The following TIAM1 variants were observed in gnomAD, a reference collection of about 807,000 sequenced individuals.
TIAM1 encodes the protein TIAM Rac1 associated GEF 1.
In TIAM1, 65 loss-of-function variants were observed where a neutral mutation model predicts 163.5. The observed-to-expected ratio is 0.40, with a 90% CI of 0.33 to 0.49. The LOEUF (loss-of-function observed/expected upper bound fraction) is 0.49, where lower values mean the gene tolerates loss of function less well. Among genes scored for constraint, TIAM1 ranks in the 20% least tolerant of loss-of-function variants. The pLI, the probability that TIAM1 is intolerant of heterozygous loss-of-function variation, is 0.77. For synonymous variants in TIAM1, 833 were observed against 810.1 expected (o/e 1.03, Z -0.48); for missense variants, 1,789 against 2,044.7 (o/e 0.87, Z 2.41).
At chr21:31,207,684 C>T (rs978489178) in intron 11 of TIAM1, among the ~76,000 whole-genome samples, 2 of 152,172 alleles carry the variant, frequency 1.3e-5, no homozygotes, top group Non-Finnish European at 2.9e-5. Context: ...TACATGGGTG[C>T]TTTTCCAAAG....
At chr21:31,282,100 T>A (rs1201400766) in intron 2 of TIAM1, among the ~76,000 whole-genome samples, 5 of 152,214 alleles carry the variant, frequency 3.3e-5, no homozygotes, top group Non-Finnish European at 7.3e-5. Flanking sequence ...AACAGTAAGC[T>A]TTATAACAGC....
rs909991225 is a variant in TIAM1, at chr21:31,120,270, C to T, written c.*98G>A. 5.5e-6 allele frequency: 7 copies of T among 1,268,250 alleles called. No homozygotes were observed. The highest frequency in any genetic ancestry group is 2.8e-5 in the Admixed American group (1 of 36,022). The allele number at this position is 1,268,250 out of a possible 1,614,324, so 78.6% of individuals were successfully genotyped here. On this transcript the variant is annotated 3_prime_UTR_variant, in exon 28 of 28. Coordinates refer to ENST00000541036, the MANE Select transcript of TIAM1 (RefSeq NM_001353694.2). This position sits in a 1 kb window ranked among gnomAD's most constrained non-coding sequence, Gnocchi z 4.2. ...GCTGCCAAAACCGTGTGTGCAAGAG[C>T]GCGACCTAAGGGGACATTCTTGTCG...
At chr21:31,267,227 T>G (rs143025997) in intron 3 of TIAM1, among the ~76,000 whole-genome samples, 378 of 152,276 alleles carry the variant, frequency 2.5e-3, no homozygotes, top group African/African-American at 8.6e-3. Context: ...CTCATAAATA[T>G]GAGCATCAGA....
chr21:31,245,769 C>A (rs2071469719), intron 5 of TIAM1, 109 bp from the exon 6 acceptor site: 2 of 1,071,490 alleles, frequency 1.9e-6, no homozygotes, highest in Admixed American at 8.4e-5. Context: ...AATTAAAGCA[C>A]GTGGAACCCA....
intron 2 of TIAM1, among the ~76,000 whole-genome samples, chr21:31,393,021 T>C (rs1045970497): frequency 3.3e-5 from 5 of 151,566 alleles, no homozygotes; most frequent in African/African-American, 4.9e-5. Flanking sequence ...AGTGGTGCGA[T>C]GTCAGCTCAC....
At chr21:31,140,897 G>A (rs2146272016) in intron 22 of TIAM1, among the ~76,000 whole-genome samples, 1 of 152,254 alleles carries the variant, frequency 6.6e-6, no homozygotes, top group South Asian at 2.1e-4. Context: ...GTGAGGAGCT[G>A]AACATCAGGA....
chr21:31,551,588 A>T (rs925361964), intron 1 of TIAM1, among the ~76,000 whole-genome samples: 2 of 151,732 alleles, frequency 1.3e-5, no homozygotes, highest in African/African-American at 2.4e-5. Flanking sequence ...GCAAAAAATT[A>T]AAAAATTAGC....
rs750386883 is a variant in TIAM1, at chr21:31,266,903, T to C, written c.70A>G (p.Lys24Glu). The change falls in exon 4 of 28, where the codon AAG becomes GAG. Residue 24 changes from lysine (K) to glutamate (E), a missense_variant. Transcript: ENST00000541036. ...YGEKHASLGR[K>E]HTSRSLRLSH... ...AGGCGCAGGGAGCGGGAAGTGTGCT[T>C]GCGCCCCAGGCTGGCATGCTTTTCT... The C allele has an allele frequency of 1.4e-5, 22 of 1,613,250 alleles. No individual in the cohort carries two copies. The South Asian group carries it at 2.3e-4, about 17-fold the overall frequency.
chr21:31,235,375 T>C (rs534242568), intron 6 of TIAM1, among the ~76,000 whole-genome samples: 2 of 152,358 alleles, frequency 1.3e-5, no homozygotes, highest in South Asian at 4.1e-4. Context: ...TATATGGTCA[T>C]AACAATGTAA....
At chr21:31,523,643 G>C (rs1472376121) in intron 1 of TIAM1, among the ~76,000 whole-genome samples, 1 of 152,166 alleles carries the variant, frequency 6.6e-6, no homozygotes, top group East Asian at 1.9e-4. Flanking sequence ...TACGTACTCA[G>C]TGGGGCAAGA....
intron 4 of TIAM1, among the ~76,000 whole-genome samples, chr21:31,259,506 G>C (rs8126819): frequency 0.043 from 6,592 of 152,058 alleles, 453 homozygotes; most frequent in African/African-American, 0.15. Flanking sequence ...AGCTACCCAA[G>C]AGGCTGAGGC....
At chr21:31,197,539 C>CTTTTTTTTTTTTTTTTTTT (rs58141765) in intron 12 of TIAM1, among the ~76,000 whole-genome samples, 25 of 123,230 alleles carry the variant, frequency 2.0e-4, no homozygotes, top group East Asian at 8.2e-4. Context: ...CCGCGCCCGG[C>CTTTTTTTTTTTTTTTTTTT]TTTTTTTTTT....
chr21:31,471,473 C>CT (rs945813541), intron 1 of TIAM1, among the ~76,000 whole-genome samples: 1 of 152,128 alleles, frequency 6.6e-6, no homozygotes, highest in Non-Finnish European at 1.5e-5. Context: ...GAGCTCTTCT[C>CT]TGTTTTCTTC....
chr21:31,191,452 C>T (rs1394946996), intron 13 of TIAM1, among the ~76,000 whole-genome samples: 2 of 152,188 alleles, frequency 1.3e-5, no homozygotes, highest in East Asian at 3.8e-4. Context: ...CTGTGTCCAG[C>T]CTGTGGCAGG....
intron 22 of TIAM1, among the ~76,000 whole-genome samples, chr21:31,138,268 T>C (rs1189353897): frequency 6.6e-6 from 1 of 152,116 alleles, no homozygotes; most frequent in African/African-American, 2.4e-5. Flanking sequence ...GGGTAGGAGG[T>C]TGAAGGCCCA....
At chr21:31,260,670 C>T (rs115682663) in intron 4 of TIAM1, among the ~76,000 whole-genome samples, 114 of 138,722 alleles carry the variant, frequency 8.2e-4, no homozygotes, top group African/African-American at 2.9e-3. Context: ...GCTTAACTTA[C>T]GTGCCAGAAA....
Position 31,135,800 on chromosome 21 carries a change from C to T in TIAM1, c.3883+133G>A, listed in dbSNP as rs141109058. ...AGTGTTTGTGAGATGTTGGTGGCTA[C>T]GGCAGGAAGACCGATTCAAGTAACT... is the stretch of plus-strand genomic sequence containing the variant. On this transcript the variant is annotated intron_variant, in intron 23 of 27. Transcript: ENST00000541036. 1,932 of 784,488 alleles carry T rather than the reference C, an allele frequency of 2.5e-3. 8 individuals carry two copies. The highest frequency in any genetic ancestry group is 0.021 in the Middle Eastern group (85 of 4,022). The allele number at this position is 784,488 out of a possible 1,614,324, so 48.6% of individuals were successfully genotyped here.
intron 9 of TIAM1, among the ~76,000 whole-genome samples, chr21:31,216,844 AAGTC>A (rs2087242128): frequency 6.6e-6 from 1 of 152,122 alleles, no homozygotes; most frequent in Non-Finnish European, 1.5e-5. Context: ...CAGCTCCAAA[AAGTC>A]AAGGGCAGAG....
chr21:31,543,261 CT>C (rs1325121150), intron 1 of TIAM1, among the ~76,000 whole-genome samples: 2 of 152,320 alleles, frequency 1.3e-5, no homozygotes, highest in African/African-American at 4.8e-5. Context: ...GTAAAATCCC[CT>C]TTTCACTTTG....
Sources: gnomAD v4.1 joint callset for allele counts (sites outside exome capture counted in the v4.1 genomes callset) on GRCh38, gnomAD v4.1.1 for gene constraint, Gnocchi (gnomAD v3.1) non-coding constraint, MANE v1.5 for transcripts, NCBI Gene and HGNC (gene_info 2026-07-23, HGNC 2026-07-21) for gene names.